Variants in PKD1L3 observed in about 807,000 individuals in gnomAD.
The protein encoded by PKD1L3 is polycystin 1 like 3, transient receptor potential channel interacting.
A neutral mutation model predicts 184.1 loss-of-function variants in PKD1L3; 239 were observed. That is an observed-to-expected ratio of 1.30 (90% CI 1.17 to 1.45). PKD1L3 has a LOEUF of 1.45. Ranked by LOEUF, PKD1L3 falls within the 40% of genes most tolerant of loss-of-function variation. The pLI, the probability that PKD1L3 is intolerant of heterozygous loss-of-function variation, is 0.00. For missense variants in PKD1L3, 2,660 were observed against 2,067.2 expected (o/e 1.29, Z -5.56); for synonymous variants, 996 against 778.8 (o/e 1.28, Z -4.64).
At chr16:71,982,582 G>T (rs753265493) in intron 6 of PKD1L3, among the ~76,000 whole-genome samples, 14 of 151,210 alleles carry the variant, frequency 9.3e-5, no homozygotes, top group Non-Finnish European at 1.9e-4. Flanking sequence ...ACCACGCCCA[G>T]CCTATGATTG....
intron 16 of PKD1L3, among the ~76,000 whole-genome samples, chr16:71,956,523 C>G (rs1159209885): frequency 6.6e-6 from 1 of 152,042 alleles, no homozygotes; most frequent in Non-Finnish European, 1.5e-5. Context: ...GCACATGCTA[C>G]AGCATGAATG....
At chr16:71,961,925 C>T (rs1302244483) in intron 16 of PKD1L3, among the ~76,000 whole-genome samples, 3 of 152,132 alleles carry the variant, frequency 2.0e-5, no homozygotes, top group African/African-American at 7.2e-5. Flanking sequence ...TGCCTTTAGG[C>T]ATTTTAATGT....
intron 10 of PKD1L3, 33 bp downstream of exon 10, chr16:71,978,222 C>T: frequency 6.5e-7 from 1 of 1,537,164 alleles, no homozygotes. Flanking sequence ...ATCCCATTCT[C>T]TTCTATTTTA....
At chr16:71,969,813 C>G in intron 13 of PKD1L3, 62 bp downstream of exon 13, 2 of 1,418,586 alleles carry the variant, frequency 1.4e-6, no homozygotes, top group Non-Finnish European at 1.9e-6. Context: ...GTGTTTTTTC[C>G]TTCATCTTAT....
intron 4 of PKD1L3, 150 bp downstream of exon 4, chr16:71,990,130 T>C: frequency 2.2e-6 from 1 of 452,002 alleles, no homozygotes; most frequent in South Asian, 4.8e-5. Context: ...ACCTATTAAA[T>C]CCAATTTTTT....
chr16:71,975,540 A>G (rs6499554), intron 11 of PKD1L3, among the ~76,000 whole-genome samples: 115,766 of 152,048 alleles, frequency 0.76, 44,312 homozygotes, highest in South Asian at 0.86. Context: ...TCTACAATAT[A>G]TAAATGTGAA....
At chr16:71,990,134 A>C in intron 4 of PKD1L3, 146 bp downstream of exon 4, 1 of 556,652 alleles carries the variant, frequency 1.8e-6, no homozygotes, top group Middle Eastern at 3.5e-4. Flanking sequence ...ATTAAATCCA[A>C]TTTTTTTCTT....
chr16:71,970,127 T>C lies in PKD1L3; in HGVS notation c.1954-22A>G, dbSNP rs1364241283. The C allele has an allele frequency of 4.6e-6, 7 of 1,537,738 alleles. No individual in the cohort carries two copies. The South Asian group carries it at 8.4e-5, about 18-fold the overall frequency. On this transcript the variant is annotated intron_variant, in intron 12 of 29. Transcript: ENST00000620267. Reference sequence around the variant, plus strand: ...CAACCTGGAATTAGAATCAAGACGTTGATTCTAGTCAGACAGAGTGCTAAG... The same window carrying C: ...CAACCTGGAATTAGAATCAAGACGTCGATTCTAGTCAGACAGAGTGCTAAG...
Position 71,996,921 on chromosome 16 carries a change from C to A in PKD1L3, c.418+1351G>T, listed in dbSNP as rs911600321. Reference sequence around the variant, plus strand: ...TGGTAGGTGGGTAGATTTGGTGGTCCGAGCCTTGGACGGACTCCAAATTGC... The same window carrying A: ...TGGTAGGTGGGTAGATTTGGTGGTCAGAGCCTTGGACGGACTCCAAATTGC... On this transcript the variant is annotated intron_variant, in intron 2 of 29. Transcript: ENST00000620267. 4.0e-5 allele frequency among the ~76,000 whole-genome samples: 6 copies of A among 150,112 alleles called. No homozygotes were observed. The South Asian group carries it at 1.3e-3, about 32-fold the overall frequency.
chr16:71,956,184 A>ATTTTTTTTTTT (rs35268514), intron 16 of PKD1L3, among the ~76,000 whole-genome samples: 8 of 82,764 alleles, frequency 9.7e-5, no homozygotes, highest in African/African-American at 1.6e-4. Context: ...AAAGGAAGGA[A>ATTTTTTTTTTT]TTTTTTTTTT....
At chr16:71,967,446 T>C (rs1464927591) in intron 14 of PKD1L3, 131 bp from the exon 15 acceptor site, 2 of 906,832 alleles carry the variant, frequency 2.2e-6, no homozygotes, top group African/African-American at 3.4e-5. Flanking sequence ...CAAGCATAGA[T>C]AATTCTTCAT....
intron 4 of PKD1L3, among the ~76,000 whole-genome samples, chr16:71,987,833 G>A (rs1434517965): frequency 4.6e-5 from 7 of 152,026 alleles, no homozygotes; most frequent in Non-Finnish European, 1.0e-4. Flanking sequence ...TTGAATACAG[G>A]GAGAGAGAGA....
At chr16:71,995,213 C>G (rs944684891) in intron 2 of PKD1L3, among the ~76,000 whole-genome samples, 1 of 152,020 alleles carries the variant, frequency 6.6e-6, no homozygotes, top group Non-Finnish European at 1.5e-5. Flanking sequence ...TCTGCCAAGT[C>G]CTTTTATAAG....
chr16:71,944,431 A>G (rs901234712), intron 22 of PKD1L3, among the ~76,000 whole-genome samples: 2 of 152,166 alleles, frequency 1.3e-5, no homozygotes, highest in Non-Finnish European at 2.9e-5. Context: ...TGTAATTCCA[A>G]TTCTAGCACT....
rs111911951 is a variant in PKD1L3 at position 71,975,741 on chromosome 16, T to TA, written c.1759+1494dup. 8.2e-3 allele frequency among the ~76,000 whole-genome samples: 1,239 copies of TA among 151,484 alleles called. 19 individuals are homozygous for TA. The highest frequency in any genetic ancestry group is 0.025 in the African/African-American group (1,049 of 41,332). ...CCTTATCCATCCTATAATCCATCTT[T>TA]AAAAAAAAATGATTTTATGGTCACG... is the stretch of plus-strand genomic sequence containing the variant. On this transcript the variant is annotated intron_variant, in intron 11 of 29. Coordinates refer to ENST00000620267, the MANE Select transcript of PKD1L3 (RefSeq NM_181536.2).
At chr16:71,957,184 C>T (rs2039079364) in intron 16 of PKD1L3, among the ~76,000 whole-genome samples, 1 of 151,764 alleles carries the variant, frequency 6.6e-6, no homozygotes, top group Non-Finnish European at 1.5e-5. Flanking sequence ...ATCCATTTAA[C>T]ACAGAGAAGG....
chr16:71,933,229 G>A (rs1287229223), intron 28 of PKD1L3, among the ~76,000 whole-genome samples, 191 bp downstream of exon 28: 1 of 152,122 alleles, frequency 6.6e-6, no homozygotes, highest in Non-Finnish European at 1.5e-5. Context: ...GGAAAGGGCA[G>A]GTTTCTGAAA....
In PKD1L3 at chr16:71,934,247, G is replaced by T. The variant is rs1597275769; in HGVS notation, c.4614-122C>A. 65 of 837,922 alleles carry T rather than the reference G, an allele frequency of 7.8e-5. No individual in the cohort carries two copies. The East Asian group carries it at 1.6e-3, about 20-fold the overall frequency. 51.9% of individuals were successfully genotyped at this position (837,922 alleles called of 1,614,324 possible). A position where few individuals can be genotyped will look rare whatever the true frequency, so the allele number is the denominator to read the frequency against. ...CCTGTGAGGTCAAATGCTTGTTGAT[G>T]TGAGAACTGCTTTCTATTGTGGCCT... On this transcript the variant is annotated intron_variant, in intron 26 of 29. Coordinates refer to ENST00000620267, the MANE Select transcript of PKD1L3 (RefSeq NM_181536.2).
intron 24 of PKD1L3, among the ~76,000 whole-genome samples, chr16:71,939,499 G>T (rs534942045): frequency 6.6e-6 from 1 of 152,280 alleles, no homozygotes; most frequent in African/African-American, 2.4e-5. Context: ...AGGTAAAAAA[G>T]ACATTTAAGA....
Sources: gnomAD v4.1 joint callset for allele counts (sites outside exome capture counted in the v4.1 genomes callset) on GRCh38, gnomAD v4.1.1 for gene constraint, MANE v1.5 for transcripts, NCBI Gene and HGNC (gene_info 2026-07-23, HGNC 2026-07-21) for gene names.